Variants in SLBP observed in about 807,000 individuals in gnomAD.
SLBP encodes the protein histone RNA hairpin-binding protein.
In SLBP, 29 loss-of-function variants were observed where a neutral mutation model predicts 39.2. The observed-to-expected ratio is 0.74, with a 90% confidence interval of 0.55 to 1.01. The LOEUF is 1.01. Among genes scored for constraint, SLBP ranks in the 50% least tolerant of loss-of-function variants. The pLI is 0.00. For missense variants in SLBP, 390 were observed against 350.2 expected, an observed-to-expected ratio of 1.11 and a Z score of -0.91; for synonymous variants, 129 against 118.7, an observed-to-expected ratio of 1.09 and a Z score of -0.57.
At chr4:1,705,603 GTAAA>G (rs1474072772) in intron 2 of SLBP, among the ~76,000 whole-genome samples, 1 of 152,252 alleles carries the variant, frequency 6.6e-6, no homozygotes, top group Non-Finnish European at 1.5e-5. Context: ...TCACCATGTT[GTAAA>G]TATTTACTGA....
chr4:1,710,752 A>G (rs1014672537), intron 2 of SLBP, among the ~76,000 whole-genome samples: 4 of 152,066 alleles, frequency 2.6e-5, no homozygotes, highest in Non-Finnish European at 5.9e-5. Context: ...AGAAAAAAAA[A>G]AAGAAACACA....
intron 3 of SLBP, among the ~76,000 whole-genome samples, chr4:1,700,740 T>C (rs1716294110): frequency 6.6e-6 from 1 of 152,048 alleles, no homozygotes; most frequent in South Asian, 2.1e-4. Context: ...AAAATTTTTT[T>C]CTTTTTTTGG....
Sources: allele counts gnomAD v4.1 joint callset (sites outside exome capture counted in the v4.1 genomes callset), GRCh38; gene constraint gnomAD v4.1.1; transcripts MANE v1.5; gene names NCBI Gene and HGNC (gene_info 2026-07-23, HGNC 2026-07-21).